The following ARPP21 variants were observed in gnomAD, a reference collection of about 807,000 sequenced individuals.
ARPP21 encodes the protein cAMP regulated phosphoprotein 21, also known as cAMP-regulated phosphoprotein 21.
ARPP21 carries 69 observed loss-of-function variants against 113.2 expected under a neutral mutation model. The ratio of observed to expected loss-of-function variants is 0.61; its 90% CI spans 0.50 to 0.74. The LOEUF is 0.74. Among genes scored for constraint, ARPP21 ranks in the 30% least tolerant of loss-of-function variants. The pLI, the probability that ARPP21 is intolerant of heterozygous loss-of-function variation, is 0.00. For missense variants in ARPP21, 1,070 were observed against 1,037.4 expected (o/e 1.03, Z -0.43); for synonymous variants, 368 against 375.5 (o/e 0.98, Z 0.23).
intron 9 of ARPP21, among the ~76,000 whole-genome samples, chr3:35,703,391 A>G (rs1313407086): frequency 6.6e-6 from 1 of 151,944 alleles, no homozygotes; most frequent in Non-Finnish European, 1.5e-5. Context: ...AACAATGAAG[A>G]ATTAATTCTG....
intron 9 of ARPP21, among the ~76,000 whole-genome samples, chr3:35,694,878 TG>T (rs1267333135): frequency 3.4e-5 from 5 of 149,040 alleles, no homozygotes; most frequent in Non-Finnish European, 7.4e-5. Flanking sequence ...TGTGATTTTT[TG>T]AAGGAAAGCA....
At chr3:35,733,399 C>T (rs1045164465) in intron 15 of ARPP21, among the ~76,000 whole-genome samples, 1 of 152,186 alleles carries the variant, frequency 6.6e-6, no homozygotes, top group African/African-American at 2.4e-5. Flanking sequence ...GCCTGCTCTG[C>T]ATTCAAAGTG....
At chr3:35,763,030 T>C (rs920924836) in intron 19 of ARPP21, among the ~76,000 whole-genome samples, 1 of 152,082 alleles carries the variant, frequency 6.6e-6, no homozygotes, top group African/African-American at 2.4e-5. Flanking sequence ...ATCTGGAGAA[T>C]TGAGTCAGAG....
intron 1 of ARPP21, among the ~76,000 whole-genome samples, chr3:35,652,352 A>G (rs1021859798): frequency 3.9e-5 from 6 of 152,140 alleles, no homozygotes; most frequent in African/African-American, 1.4e-4. Flanking sequence ...CAATGGTTAT[A>G]TCCAGCAGAA....
At chr3:35,656,207 T>C (rs900433767) in intron 1 of ARPP21, among the ~76,000 whole-genome samples, 2 of 152,072 alleles carry the variant, frequency 1.3e-5, no homozygotes, top group South Asian at 4.1e-4. Flanking sequence ...CTCTCTAAGA[T>C]TGTGTGTACT....
intron 11 of ARPP21, among the ~76,000 whole-genome samples, chr3:35,709,939 C>T (rs2090501529): frequency 6.6e-6 from 1 of 152,178 alleles, no homozygotes; most frequent in Non-Finnish European, 1.5e-5. Flanking sequence ...AACACAAAGC[C>T]AGCCCAGAGA....
Position 35,739,350 on chromosome 3 carries a change from A to G in ARPP21, c.1783A>G (p.Thr595Ala), listed in dbSNP as rs753537294. ...DDVATQFGQM[T>A]LSRQSSGETP... ...TGTGGCAACACAGTTTGGCCAGATG[A>G]CCCTGAGCCGGCAGTCCTCGGGGGA... The change falls in exon 18 of 21, where the codon ACC (threonine) becomes GCC (alanine). Residue 595 changes from threonine (T) to alanine (A), a missense_variant. By Grantham distance (58) the Thr-to-Ala change is moderately conservative (BLOSUM62 0). Transcript: ENST00000684406. The G allele has an allele frequency of 8.1e-6, 13 of 1,613,916 alleles. No homozygotes were observed. The South Asian group carries it at 1.3e-4, about 16-fold the overall frequency.
Position 35,729,318 on chromosome 3 carries a change from G to A in ARPP21, c.1241G>A (p.Ser414Asn), listed in dbSNP as rs1418091484. 2.5e-6 allele frequency: 4 copies of A among 1,613,900 alleles called. No individual in the cohort carries two copies. In the Middle Eastern group the frequency reaches 6.6e-4, roughly 266 times the overall value. ...KLSKAGSESS[S>N]SAGSSGSLSR... ...CCTATGCCAGGTTCCGAGTCTTCCA[G>A]CAGTGCAGGCTCCTCAGGATCGCTG... Residue 414 changes from serine to asparagine, a missense_variant, in exon 15 of 21, where the codon AGC becomes AAC. By Grantham distance (46) the Ser-to-Asn change is conservative. Transcript: ENST00000684406.
intron 19 of ARPP21, among the ~76,000 whole-genome samples, chr3:35,780,435 C>T (rs1013263537): frequency 6.6e-6 from 1 of 152,066 alleles, no homozygotes; most frequent in African/African-American, 2.4e-5. Flanking sequence ...GGTGTATGTC[C>T]TACAAGAGAG....
chr3:35,668,215 G>T (rs1439442644), intron 1 of ARPP21, among the ~76,000 whole-genome samples: 6 of 152,026 alleles, frequency 3.9e-5, no homozygotes. Context: ...GTAAATTTTT[G>T]GAAGTGTATA....
chr3:35,746,984 G>A (rs998179671), intron 19 of ARPP21, among the ~76,000 whole-genome samples: 28 of 152,110 alleles, frequency 1.8e-4, no homozygotes, highest in Admixed American at 3.9e-4. Flanking sequence ...CTCTTCATCC[G>A]ATCAGCACAT....
At chr3:35,664,183 C>G (rs1709100947) in intron 1 of ARPP21, among the ~76,000 whole-genome samples, 1 of 152,104 alleles carries the variant, frequency 6.6e-6, no homozygotes, top group South Asian at 2.1e-4. Flanking sequence ...TTAATTGACA[C>G]GTACATATTT....
intron 5 of ARPP21, chr3:35,684,685 CCT>C: frequency 3.0e-6 from 3 of 985,230 alleles, no homozygotes; most frequent in Non-Finnish European, 3.6e-6. Flanking sequence ...TTGCTTTTTT[CCT>C]CTTACTTTAA....
intron 11 of ARPP21, among the ~76,000 whole-genome samples, chr3:35,713,972 C>G (rs2091909492): frequency 6.6e-6 from 1 of 152,116 alleles, no homozygotes; most frequent in African/African-American, 2.4e-5. Flanking sequence ...TTACTTGACT[C>G]CAGCCAATAG....
chr3:35,665,646 A>C (rs1412757224), intron 1 of ARPP21, among the ~76,000 whole-genome samples: 1 of 152,198 alleles, frequency 6.6e-6, no homozygotes, highest in East Asian at 1.9e-4. Context: ...TTTGAGAAAC[A>C]AGAAAAGAAT....
rs575033555 is a variant in ARPP21, at chr3:35,679,922, T to G, written c.-77T>G. On this transcript the variant is annotated 5_prime_UTR_variant, in exon 2 of 21. Coordinates refer to ENST00000684406, the MANE Select transcript of ARPP21 (RefSeq NM_001385562.1). Reference sequence around the variant, plus strand: ...GGCGTAGAACGACAGAAGCCGCTAGTAAGTCGCCAAGACCTACAGCAGGAA... The same window carrying G: ...GGCGTAGAACGACAGAAGCCGCTAGGAAGTCGCCAAGACCTACAGCAGGAA... The G allele has an allele frequency of 6.6e-6, 1 of 152,398 alleles. No homozygotes were observed. Among genetic ancestry groups the G allele is most frequent in the East Asian group, 2.0e-4 (1 of 5,120 alleles). 9.4% of individuals were successfully genotyped at this position (152,398 alleles called of 1,614,324 possible). A position where few individuals can be genotyped will look rare whatever the true frequency, so the allele number is the denominator to read the frequency against.
chr3:35,707,632 C>A, intron 10 of ARPP21: 1 of 431,816 alleles, frequency 2.3e-6, no homozygotes, highest in Non-Finnish European at 4.7e-6. Context: ...CCCTCTCCTT[C>A]CCATGTTTTA....
At chr3:35,732,486 T>C (rs2094055863) in intron 15 of ARPP21, among the ~76,000 whole-genome samples, 1 of 152,230 alleles carries the variant, frequency 6.6e-6, no homozygotes, top group Admixed American at 6.5e-5. Flanking sequence ...GTTGTCCCTG[T>C]ATAACATTTT....
chr3:35,676,781 A>G (rs2077600762), intron 1 of ARPP21, among the ~76,000 whole-genome samples: 1 of 152,046 alleles, frequency 6.6e-6, no homozygotes, highest in African/African-American at 2.4e-5. Flanking sequence ...ATTACATCCC[A>G]ATGACTTTTT....
Sources: gnomAD v4.1 joint callset for allele counts (sites outside exome capture counted in the v4.1 genomes callset) on GRCh38, gnomAD v4.1.1 for gene constraint, MANE v1.5 for transcripts, NCBI Gene and HGNC (gene_info 2026-07-23, HGNC 2026-07-21) for gene names.